Variants in PTPN12 observed in about 807,000 individuals in gnomAD.
PTPN12 encodes protein tyrosine phosphatase non-receptor type 12.
Under a neutral mutation model 97.6 loss-of-function variants are expected in PTPN12, and 29 were observed. The ratio of observed to expected loss-of-function variants is 0.30; its 90% confidence interval spans 0.22 to 0.41. The LOEUF (loss-of-function observed/expected upper bound fraction) is 0.41. PTPN12 is among the 10% of genes least tolerant of loss of function. The probability of loss-of-function intolerance (pLI) is 1.00; values close to 1 mark genes in which losing one functional copy is unlikely to be tolerated. For synonymous variants in PTPN12, 327 were observed against 300.4 expected, an observed-to-expected ratio of 1.09 and a Z score of -0.91; for missense variants, 819 against 926.0, an observed-to-expected ratio of 0.88 and a Z score of 1.50.
Position 77,625,490 on chromosome 7 carries a change from T to TG in PTPN12, c.1026-1215_1026-1214insG, listed in dbSNP as rs1562758722. On this transcript the variant is annotated intron_variant, in intron 12 of 17. Transcript: ENST00000248594. ...GCTGCTCGCTCTCTCTCTCTCTCTC[T>TG]CTCTCTCTCTCTCTCTCTCTCTCTC... is the stretch of plus-strand genomic sequence containing the variant. Among the ~76,000 whole-genome samples the TG allele has an allele frequency of 1.0e-4, 10 of 98,114 alleles. 1 individual carries two copies. The highest frequency in any genetic ancestry group is 4.2e-4 in the African/African-American group (10 of 23,962). 64.4% of individuals were successfully genotyped at this position (98,114 alleles called of 152,430 possible).
intron 1 of PTPN12, among the ~76,000 whole-genome samples, chr7:77,561,360 C>T (rs1807986805): frequency 6.6e-6 from 1 of 152,014 alleles, no homozygotes; most frequent in Non-Finnish European, 1.5e-5. Context: ...ATTTTGATGC[C>T]TGTTGGAGAT....
rs370018789 is a variant in PTPN12, at chr7:77,537,636, G to T, written c.90G>T (p.Arg30=). 1 of 1,596,720 alleles carries T rather than the reference G, an allele frequency of 6.3e-7. No individual in the cohort carries two copies. Among genetic ancestry groups the T allele is most frequent in the Non-Finnish European group, 8.5e-7 (1 of 1,172,958 alleles). ...ACAATGGGGAGGACAACTTCGCCCG[G>T]GACTTCATGGTGAGTCTCTCCCCTC... The part of the protein sequence containing the change: ...PDHNGEDNFA[R]DFMRLRRLST... The change falls in exon 1 of 18, where the codon CGG becomes CGT. Residue 30 remains arginine, a synonymous_variant. Coordinates refer to ENST00000248594, the MANE Select transcript of PTPN12 (RefSeq NM_002835.4).
chr7:77,602,333 A>C (rs892992061), intron 8 of PTPN12, among the ~76,000 whole-genome samples: 2 of 152,208 alleles, frequency 1.3e-5, no homozygotes, highest in African/African-American at 2.4e-5. Context: ...ATACATATGC[A>C]CATATATGTA....
At chr7:77,562,719 A>G (rs1037596539) in intron 1 of PTPN12, among the ~76,000 whole-genome samples, 2 of 152,206 alleles carry the variant, frequency 1.3e-5, no homozygotes, top group African/African-American at 4.8e-5. Context: ...GTGAGTTGAA[A>G]CAAAAATAAT....
intron 2 of PTPN12, among the ~76,000 whole-genome samples, chr7:77,574,196 C>G (rs118038950): frequency 6.6e-6 from 1 of 151,880 alleles, no homozygotes; most frequent in Non-Finnish European, 1.5e-5. Context: ...GAGTGTGGTT[C>G]GAATGAGGGA....
chr7:77,548,580 C>T (rs1807330071), intron 1 of PTPN12, among the ~76,000 whole-genome samples: 2 of 152,140 alleles, frequency 1.3e-5, no homozygotes, highest in African/African-American at 4.8e-5. Context: ...AAAGCAGATG[C>T]TTTTTATATG....
intron 2 of PTPN12, among the ~76,000 whole-genome samples, chr7:77,576,463 G>C (rs925029367): frequency 9.9e-5 from 15 of 152,086 alleles, no homozygotes; most frequent in African/African-American, 3.6e-4. Context: ...ACTTTGGGAG[G>C]CCGAAGCGGG....
chr7:77,602,758 A>G (rs1460375435), intron 8 of PTPN12, among the ~76,000 whole-genome samples: 1 of 152,082 alleles, frequency 6.6e-6, no homozygotes, highest in Non-Finnish European at 1.5e-5. Flanking sequence ...CAGTTTTTCT[A>G]CTCTGAATTT....
chr7:77,626,935 A>G lies in PTPN12; in HGVS notation c.1256A>G (p.Asn419Ser), dbSNP rs1789209054. The change falls in exon 13 of 18, where the codon AAT becomes AGT. Residue 419 changes from asparagine (N) to serine (S), a missense_variant. Asn to Ser is a conservative substitution (Grantham distance 46). This residue lies in a region of PTPN12 where 607 missense variants were observed against 577.3 expected (regional missense o/e 1.05). Coordinates refer to ENST00000248594, the MANE Select transcript of PTPN12 (RefSeq NM_002835.4). ...AAATCAACAGAACTTCCAGGGAAAAATGAATCAACAATTGAACAGATAGAT... is the reference window on the plus strand; with the variant it reads ...AAATCAACAGAACTTCCAGGGAAAAGTGAATCAACAATTGAACAGATAGAT... ...YSKSTELPGKNESTIEQIDKK... is the reference protein window; with the variant it reads ...YSKSTELPGKSESTIEQIDKK... 6.2e-6 allele frequency: 10 copies of G among 1,609,496 alleles called. No homozygotes were observed. In the Admixed American group the frequency reaches 8.5e-5, roughly 14 times the overall value.
chr7:77,552,575 T>G (rs1360185347), intron 1 of PTPN12, among the ~76,000 whole-genome samples: 4 of 152,160 alleles, frequency 2.6e-5, no homozygotes, highest in African/African-American at 7.2e-5. Context: ...TAAAACAGGT[T>G]ATAGATAAAA....
At chr7:77,610,700 TGAA>T (rs1323193644) in intron 9 of PTPN12, 62 bp from the exon 10 acceptor site, 56 of 1,472,046 alleles carry the variant, frequency 3.8e-5, no homozygotes, top group Middle Eastern at 2.4e-4. Flanking sequence ...TGTGAAAAGC[TGAA>T]GAAGATTTTA....
At chr7:77,540,325 C>T (rs992949812) in intron 1 of PTPN12, among the ~76,000 whole-genome samples, 10 of 151,252 alleles carry the variant, frequency 6.6e-5, no homozygotes, top group Non-Finnish European at 1.2e-4. Flanking sequence ...GCATCCTCCA[C>T]CTCCCAGGTT....
At chr7:77,576,543 A>G (rs933129812) in intron 2 of PTPN12, among the ~76,000 whole-genome samples, 8 of 152,148 alleles carry the variant, frequency 5.3e-5, no homozygotes, top group Admixed American at 4.6e-4. Flanking sequence ...CTAAAAATAC[A>G]AAAATTAGCT....
chr7:77,556,183 C>T (rs1807703979), intron 1 of PTPN12, among the ~76,000 whole-genome samples: 1 of 152,114 alleles, frequency 6.6e-6, no homozygotes, highest in South Asian at 2.1e-4. Flanking sequence ...ACCTCAGCCT[C>T]CCCAGTAGCT....
At chr7:77,563,869 C>T in intron 1 of PTPN12, 1 of 365,244 alleles carries the variant, frequency 2.7e-6, no homozygotes, top group South Asian at 2.0e-5. Flanking sequence ...GTTGAAAGAC[C>T]CTTTGGTTAT....
chr7:77,619,961 G>T (rs1788876972), intron 12 of PTPN12, among the ~76,000 whole-genome samples: 1 of 152,132 alleles, frequency 6.6e-6, no homozygotes, highest in African/African-American at 2.4e-5. Flanking sequence ...AAAACTGGTT[G>T]GCATTTTAGC....
chr7:77,570,113 T>G (rs1808412368), intron 1 of PTPN12, among the ~76,000 whole-genome samples: 1 of 152,224 alleles, frequency 6.6e-6, no homozygotes, highest in South Asian at 2.1e-4. Flanking sequence ...CAGAATAAGA[T>G]TCTAGTAAAT....
At chr7:77,628,728 G>A (rs1789291249) in intron 13 of PTPN12, among the ~76,000 whole-genome samples, 2 of 151,978 alleles carry the variant, frequency 1.3e-5, no homozygotes, top group Admixed American at 1.3e-4. Flanking sequence ...AGTAGAGACA[G>A]GGTTTCGATA....
At chr7:77,561,050 C>T (rs1245414250) in intron 1 of PTPN12, among the ~76,000 whole-genome samples, 1 of 152,112 alleles carries the variant, frequency 6.6e-6, no homozygotes, top group Non-Finnish European at 1.5e-5. Flanking sequence ...ATATCCTTGC[C>T]AATACCTGTT....
Sources: allele counts gnomAD v4.1 joint callset (sites outside exome capture counted in the v4.1 genomes callset), GRCh38; gene constraint gnomAD v4.1.1; regional missense constraint gnomAD v4.1.1; transcripts MANE v1.5; gene names NCBI Gene and HGNC (gene_info 2026-07-23, HGNC 2026-07-21).